SNTB2: variants seen among roughly 807,000 people sequenced by gnomAD.
SNTB2 encodes syntrophin beta 2.
SNTB2 carries 34 observed loss-of-function variants against 46.2 expected under a neutral mutation model. That is an observed-to-expected ratio of 0.74 (90% CI 0.56 to 0.98). SNTB2 has a LOEUF of 0.98. SNTB2 is among the 50% of genes least tolerant of loss of function. SNTB2 has a pLI of 0.00. For synonymous variants in SNTB2, 290 were observed against 312.6 expected (o/e 0.93, Z 0.76); for missense variants, 603 against 731.4 (o/e 0.82, Z 2.02).
intron 1 of SNTB2, among the ~76,000 whole-genome samples, chr16:69,196,029 G>A (rs1275333850): frequency 3.3e-5 from 5 of 152,172 alleles, no homozygotes; most frequent in Non-Finnish European, 1.5e-5. Flanking sequence ...CTTCAGCCTA[G>A]TAGTTCAAGA....
chr16:69,297,979 C>T (rs1438041560), intron 5 of SNTB2, among the ~76,000 whole-genome samples: 1 of 152,124 alleles, frequency 6.6e-6, no homozygotes, highest in Non-Finnish European at 1.5e-5. Flanking sequence ...TGCTCTGTCA[C>T]CCAGGCTAGA....
intron 1 of SNTB2, among the ~76,000 whole-genome samples, chr16:69,201,202 T>G (rs1182098623): frequency 6.6e-6 from 1 of 152,232 alleles, no homozygotes; most frequent in African/African-American, 2.4e-5. Flanking sequence ...TGGATTTTGA[T>G]GGCTTCTTTA....
chr16:69,264,844 A>C (rs527532700), intron 3 of SNTB2, among the ~76,000 whole-genome samples: 2 of 152,344 alleles, frequency 1.3e-5, no homozygotes, highest in East Asian at 3.9e-4. Flanking sequence ...AAGAAGAAAA[A>C]AAGAAAATCC....
At chr16:69,219,831 A>C (rs889023795) in intron 1 of SNTB2, among the ~76,000 whole-genome samples, 1 of 151,738 alleles carries the variant, frequency 6.6e-6, no homozygotes, top group African/African-American at 2.4e-5. Flanking sequence ...GCTCACTGCA[A>C]CCTCCGACTC....
intron 5 of SNTB2, among the ~76,000 whole-genome samples, chr16:69,289,759 A>C (rs1965142324): frequency 6.6e-6 from 1 of 152,012 alleles, no homozygotes. Flanking sequence ...CCGTCTCTAC[A>C]AAAAATTAAA....
chr16:69,249,925 C>T (rs535489068), intron 2 of SNTB2, among the ~76,000 whole-genome samples: 26 of 152,024 alleles, frequency 1.7e-4, no homozygotes, highest in Non-Finnish European at 3.2e-4. Flanking sequence ...ATGGTGAAAC[C>T]CCGTTTCTAC....
chr16:69,251,468 TAAAAAAAA>T (rs71148976), intron 2 of SNTB2, among the ~76,000 whole-genome samples: 9 of 106,130 alleles, frequency 8.5e-5, no homozygotes, highest in Non-Finnish European at 1.3e-4. Flanking sequence ...ATGTTTAGTT[TAAAAAAAA>T]AAAAAAAAAA....
chr16:69,300,511 A>G (rs1282067357), intron 6 of SNTB2, among the ~76,000 whole-genome samples: 3 of 151,924 alleles, frequency 2.0e-5, no homozygotes, highest in Admixed American at 2.0e-4. Flanking sequence ...CAGCCTCCCA[A>G]AGTGCTGGGA....
intron 1 of SNTB2, chr16:69,242,075 C>T (rs1004189124): frequency 6.6e-6 from 1 of 151,990 alleles, no homozygotes; most frequent in Non-Finnish European, 1.5e-5. Flanking sequence ...GGATCCTATC[C>T]AGTGCATTAT....
Position 69,299,690 on chromosome 16 carries a change from C to A in SNTB2, c.1446C>A (p.Arg482=), listed in dbSNP as rs897181231. The change falls in exon 6 of 7, where the codon CGC becomes CGA. Residue 482 remains arginine (R), a synonymous_variant. Transcript: ENST00000336278. ...ENGGSSSILY[R]YPFERLKMSA... is the part of the protein sequence containing the mutation. ...GAGGCTCCAGCAGCATATTGTACCG[C>A]TACCCCTTTGAAAGGCTGAAGATGT... is the stretch of plus-strand genomic sequence containing the variant. 4.3e-6 allele frequency: 7 copies of A among 1,614,040 alleles called. No homozygotes were observed. In the African/African-American group the frequency reaches 8.0e-5, roughly 18 times the overall value.
chr16:69,227,479 G>T lies in SNTB2; in HGVS notation c.581-18123G>T, dbSNP rs541224287. On this transcript the variant is annotated intron_variant, in intron 1 of 6. Coordinates refer to ENST00000336278, the MANE Select transcript of SNTB2 (RefSeq NM_006750.4). ...GAAATATTGGGTGTAACTGGAAAAA[G>T]ACATGAATTTTGCCTTATGAATGTG... Among the ~76,000 whole-genome samples the T allele has an allele frequency of 5.9e-5, 9 of 152,296 alleles. No homozygotes were observed. In the South Asian group the frequency reaches 1.9e-3, roughly 32 times the overall value.
At chr16:69,198,098 A>ATTTT (rs34676761) in intron 1 of SNTB2, among the ~76,000 whole-genome samples, 3 of 128,400 alleles carry the variant, frequency 2.3e-5, no homozygotes, top group Non-Finnish European at 3.3e-5. Context: ...AACAGAGTTG[A>ATTTT]TTTTTTTTTT....
intron 1 of SNTB2, among the ~76,000 whole-genome samples, chr16:69,231,342 A>T (rs1964504349): frequency 6.6e-6 from 1 of 152,066 alleles, no homozygotes; most frequent in Admixed American, 6.6e-5. Flanking sequence ...TAATCCCAGC[A>T]CTTTGGGAGG....
chr16:69,224,388 TCG>T (rs1159872714), intron 1 of SNTB2, among the ~76,000 whole-genome samples: 4 of 152,006 alleles, frequency 2.6e-5, no homozygotes, highest in African/African-American at 4.8e-5. Flanking sequence ...ATTTTTTGTA[TCG>T]TTAGTAGAGA....
At chr16:69,250,469 A>C (rs1018988962) in intron 2 of SNTB2, among the ~76,000 whole-genome samples, 3 of 152,236 alleles carry the variant, frequency 2.0e-5, no homozygotes, top group Non-Finnish European at 4.4e-5. Flanking sequence ...TTAACTTCTC[A>C]AGTTATTATT....
chr16:69,245,073 G>A (rs1964656383), intron 1 of SNTB2, among the ~76,000 whole-genome samples: 1 of 152,180 alleles, frequency 6.6e-6, no homozygotes, highest in Non-Finnish European at 1.5e-5. Flanking sequence ...GGAACCAGTG[G>A]GTAGAAGTAT....
intron 3 of SNTB2, among the ~76,000 whole-genome samples, chr16:69,266,213 A>G (rs1198412811): frequency 1.3e-5 from 2 of 151,992 alleles, no homozygotes; most frequent in Non-Finnish European, 2.9e-5. Flanking sequence ...AAAAATACAA[A>G]ATTAGCCGGG....
intron 1 of SNTB2, among the ~76,000 whole-genome samples, chr16:69,190,063 A>T (rs1018862891): frequency 1.3e-4 from 20 of 152,324 alleles, no homozygotes; most frequent in African/African-American, 4.8e-4. Context: ...AAATTACTCA[A>T]AATATGTAAA....
intron 1 of SNTB2, among the ~76,000 whole-genome samples, chr16:69,224,706 C>G (rs1964443081): frequency 6.6e-6 from 1 of 152,194 alleles, no homozygotes; most frequent in African/African-American, 2.4e-5. Flanking sequence ...TAAGAAAGAG[C>G]TGGCCCTTCT....
Sources: gnomAD v4.1 joint callset for allele counts (sites outside exome capture counted in the v4.1 genomes callset) on GRCh38, gnomAD v4.1.1 for gene constraint, MANE v1.5 for transcripts, NCBI Gene and HGNC (gene_info 2026-07-23, HGNC 2026-07-21) for gene names.